The following ITPR1 variants were observed in gnomAD, a reference collection of about 807,000 sequenced individuals.
ITPR1 encodes inositol 1,4,5-trisphosphate-gated calcium channel ITPR1.
Under a neutral mutation model 318.4 loss-of-function variants are expected in ITPR1, and 96 were observed. The ratio of observed to expected loss-of-function variants is 0.30; its 90% CI spans 0.26 to 0.36. The LOEUF is 0.36. ITPR1 is among the 10% of genes least tolerant of loss of function. ITPR1 has a pLI of 1.00. For synonymous variants in ITPR1, 1,312 were observed against 1,289.9 expected, an observed-to-expected ratio of 1.02 and a Z score of -0.37; for missense variants, 2,440 against 3,460.2, an observed-to-expected ratio of 0.71 and a Z score of 7.40.
At chr3:4,750,257 C>T (rs1575116128) in intron 44 of ITPR1, 1 of 151,082 alleles carries the variant, frequency 6.6e-6, no homozygotes, top group Non-Finnish European at 1.5e-5. Flanking sequence ...TTTTTTAATC[C>T]GCGGAGGAGG....
At chr3:4,610,349 T>G (rs540469819) in intron 4 of ITPR1, among the ~76,000 whole-genome samples, 14 of 152,026 alleles carry the variant, frequency 9.2e-5, no homozygotes, top group African/African-American at 3.4e-4. Flanking sequence ...ACACAAGCAC[T>G]TAATAATTGT....
intron 44 of ITPR1, among the ~76,000 whole-genome samples, chr3:4,751,748 T>C (rs1042798234): frequency 2.0e-5 from 3 of 152,194 alleles, no homozygotes; most frequent in African/African-American, 7.2e-5. Flanking sequence ...GACTTTCCCT[T>C]TGGAAATCTT....
In ITPR1 at chr3:4,702,785, A is replaced by T; in HGVS notation, c.4537-45A>T. ...TCTGATCGGATCATCAGTAGTCTAC[A>T]AATAAAAATCTGTTTTTCACGTTGC... On this transcript the variant is annotated intron_variant, in intron 35 of 61. Transcript: ENST00000649015. The T allele has an allele frequency of 3.1e-6, 5 of 1,596,788 alleles. 1 individual carries two copies. Among genetic ancestry groups the T allele is most frequent in the Non-Finnish European group, 4.3e-6 (5 of 1,169,718 alleles).
At chr3:4,830,430 A>AT (rs1015596367) in intron 60 of ITPR1, among the ~76,000 whole-genome samples, 6 of 151,462 alleles carry the variant, frequency 4.0e-5, no homozygotes, top group Admixed American at 1.3e-4. Context: ...CTAAAGACTA[A>AT]TTTTTTTTTC....
intron 4 of ITPR1, among the ~76,000 whole-genome samples, chr3:4,613,825 T>C (rs2092270975): frequency 6.6e-6 from 1 of 152,198 alleles, no homozygotes; most frequent in Non-Finnish European, 1.5e-5. Context: ...TACAGATATA[T>C]AGGCATATAT....
intron 60 of ITPR1, among the ~76,000 whole-genome samples, chr3:4,834,268 T>C (rs982967916): frequency 1.1e-4 from 17 of 152,234 alleles, no homozygotes; most frequent in Non-Finnish European, 2.2e-4. Context: ...TTCTATCACA[T>C]ACTTAGGTAT....
chr3:4,758,804 G>A (rs1026619126), intron 44 of ITPR1, among the ~76,000 whole-genome samples: 12 of 152,312 alleles, frequency 7.9e-5, no homozygotes, highest in East Asian at 1.9e-4. Context: ...CCATGTGATC[G>A]TGGGCAATTT....
At chr3:4,558,439 A>AT (rs1157511240) in intron 4 of ITPR1, among the ~76,000 whole-genome samples, 1 of 152,186 alleles carries the variant, frequency 6.6e-6, no homozygotes, top group African/African-American at 2.4e-5. Context: ...TAAAACAGTA[A>AT]TGCTAATCAA....
chr3:4,747,034 G>A lies in ITPR1; in HGVS notation c.5544+11680G>A, dbSNP rs575291191. 5.9e-5 allele frequency among the ~76,000 whole-genome samples: 9 copies of A among 152,320 alleles called. 1 individual carries two copies. The South Asian group carries it at 1.9e-3, about 32-fold the overall frequency. ...ATGAGGATGTGAAATGTGAACTTGT[G>A]TTGTTGATGATTATTGCCATTTTAA... On this transcript the variant is annotated intron_variant, in intron 44 of 61. Transcript: ENST00000649015.
intron 36 of ITPR1, among the ~76,000 whole-genome samples, chr3:4,704,935 T>C (rs2094726258): frequency 6.6e-6 from 1 of 152,214 alleles, no homozygotes; most frequent in Admixed American, 6.5e-5. Flanking sequence ...TTTTCAATTG[T>C]TAATTATTTG....
intron 31 of ITPR1, among the ~76,000 whole-genome samples, chr3:4,690,873 T>A (rs2094469740): frequency 1.3e-5 from 2 of 152,208 alleles, no homozygotes; most frequent in South Asian, 4.1e-4. Flanking sequence ...CCTGTTTTGT[T>A]TCTTGATCTG....
chr3:4,800,280 G>T, intron 53 of ITPR1, 145 bp from the exon 54 acceptor site: 2 of 699,772 alleles, frequency 2.9e-6, no homozygotes, highest in South Asian at 2.1e-5. Context: ...ACTGGTTATG[G>T]ATGGGGCAGA....
chr3:4,735,097 A>G (rs958096259), intron 43 of ITPR1, 67 bp from the exon 44 acceptor site: 22 of 1,255,300 alleles, frequency 1.8e-5, no homozygotes, highest in African/African-American at 2.9e-5. Context: ...GTTGGTGCGT[A>G]GTAAGTATGC....
intron 40 of ITPR1, among the ~76,000 whole-genome samples, chr3:4,719,969 C>A (rs560779520): frequency 6.6e-5 from 10 of 152,234 alleles, no homozygotes; most frequent in Admixed American, 2.0e-4. Flanking sequence ...TTGTACCTTC[C>A]GCTCAGAGCT....
chr3:4,513,315 C>A (rs538058043), intron 2 of ITPR1, among the ~76,000 whole-genome samples: 33 of 152,198 alleles, frequency 2.2e-4, no homozygotes, highest in Non-Finnish European at 1.5e-5. Flanking sequence ...CTCCTCCCCC[C>A]ATCTCCTTCC....
At chr3:4,833,414 TAGA>T (rs2050658450) in intron 60 of ITPR1, among the ~76,000 whole-genome samples, 3 of 152,242 alleles carry the variant, frequency 2.0e-5, no homozygotes, top group South Asian at 2.1e-4. Context: ...TCTATTTTTA[TAGA>T]AGGTTTGCTA....
chr3:4,540,286 G>A (rs2084310721), intron 4 of ITPR1, among the ~76,000 whole-genome samples: 1 of 151,906 alleles, frequency 6.6e-6, no homozygotes, highest in African/African-American at 2.4e-5. Flanking sequence ...AGTCTGTTTT[G>A]TCTGATATTA....
chr3:4,619,594 TCCCC>T (rs1403787537), intron 4 of ITPR1, among the ~76,000 whole-genome samples: 17 of 24,698 alleles, frequency 6.9e-4, no homozygotes, highest in Admixed American at 3.8e-3. Flanking sequence ...TCCCCTGCCC[TCCCC>T]TGCTCTCCTC....
chr3:4,559,759 A>G (rs1363122696), intron 4 of ITPR1, among the ~76,000 whole-genome samples: 1 of 152,208 alleles, frequency 6.6e-6, no homozygotes, highest in Non-Finnish European at 1.5e-5. Context: ...GAATCCATAT[A>G]ATCCACACAA....
Sources: gnomAD v4.1 joint callset for allele counts (sites outside exome capture counted in the v4.1 genomes callset) on GRCh38, gnomAD v4.1.1 for gene constraint, MANE v1.5 for transcripts, NCBI Gene and HGNC (gene_info 2026-07-23, HGNC 2026-07-21) for gene names.